TECTA: variants seen among roughly 807,000 people sequenced by gnomAD.
The protein encoded by TECTA is tectorin alpha, also known as alpha-tectorin.
Under a neutral mutation model 216.8 loss-of-function variants are expected in TECTA, and 128 were observed. The ratio of observed to expected loss-of-function variants is 0.59; its 90% CI spans 0.51 to 0.68. TECTA has a LOEUF of 0.68. TECTA is among the 30% of genes least tolerant of loss of function. TECTA has a pLI of 0.00. For synonymous variants in TECTA, 1,089 were observed against 1,117.1 expected, an observed-to-expected ratio of 0.97 and a Z score of 0.50; for missense variants, 2,551 against 2,786.2, an observed-to-expected ratio of 0.92 and a Z score of 1.90.
At chr11:121,110,510 T>G (rs1165540391) in intron 4 of TECTA, 1 of 152,220 alleles carries the variant, frequency 6.6e-6, no homozygotes, top group Non-Finnish European at 1.5e-5. Flanking sequence ...CAAGAAGCAC[T>G]TTATCGCTAA....
intron 13 of TECTA, among the ~76,000 whole-genome samples, chr11:121,155,277 G>A (rs1482228665): frequency 1.3e-5 from 2 of 152,170 alleles, no homozygotes; most frequent in Non-Finnish European, 2.9e-5. Flanking sequence ...TTGTGGATGA[G>A]TTATTTACCC....
intron 10 of TECTA, among the ~76,000 whole-genome samples, chr11:121,132,120 T>C (rs1367992305): frequency 6.6e-6 from 1 of 152,250 alleles, no homozygotes; most frequent in Admixed American, 6.5e-5. Context: ...CTGAATCATT[T>C]ATTACTGTTT....
Position 121,146,022 on chromosome 11 carries a change from G to T in TECTA, c.4011G>T (p.Ala1337=). ...TTGACTCTTGCATCGATGGGGGCGC[G>T]GTGCAGACCGCCTGCAGCTGGCTGC... is the stretch of plus-strand genomic sequence containing the variant. ...CLFDSCIDGG[A]VQTACSWLQN... Residue 1337 remains alanine, a synonymous_variant, in exon 12 of 24, where the codon GCG becomes GCT. Coordinates refer to ENST00000392793, the MANE Select transcript of TECTA (RefSeq NM_005422.4). 6.2e-7 allele frequency: 1 copy of T among 1,614,020 alleles called. No homozygotes were observed. Among genetic ancestry groups the T allele is most frequent in the Non-Finnish European group, 8.5e-7 (1 of 1,180,048 alleles).
intron 13 of TECTA, 49 bp from the exon 14 acceptor site, chr11:121,157,792 C>CA (rs1203706030): frequency 2.5e-6 from 4 of 1,611,950 alleles, no homozygotes; most frequent in Non-Finnish European, 3.4e-6. Context: ...TTCGGGTCCC[C>CA]AGCCCTGACC....
chr11:121,128,279 G>A lies in TECTA; in HGVS notation c.2302G>A (p.Gly768Arg), dbSNP rs202016102. ...KPDAGPAWLR[G>R]LRILVADQEV... ...CGATGCAGGACCTGCTTGGCTGCGG[G>A]GACTTCGGATCCTGGTGGCCGACCA... is the stretch of plus-strand genomic sequence containing the variant. The change falls in exon 9 of 24, where the codon GGA (glycine) becomes AGA (arginine). Residue 768 changes from glycine (G) to arginine (R), a missense_variant. Physicochemically the swap from Gly to Arg is moderately radical, Grantham distance 125 (BLOSUM62 -2). Transcript: ENST00000392793. 1.3e-6 allele frequency: 2 copies of A among 1,599,820 alleles called. No individual in the cohort carries two copies. Among genetic ancestry groups the A allele is most frequent in the East Asian group, 4.5e-5 (2 of 44,872 alleles).
At chr11:121,174,965 T>C (rs909867184) in intron 20 of TECTA, among the ~76,000 whole-genome samples, 1 of 152,248 alleles carries the variant, frequency 6.6e-6, no homozygotes. Context: ...CTAGATTTTC[T>C]AGTTTATTTG....
At position 121,113,393 on chromosome 11, in the gene TECTA, C is replaced by T. The variant is rs753866283; in HGVS notation, c.625-160C>T. On this transcript the variant is annotated intron_variant, in intron 5 of 23. Coordinates refer to ENST00000392793, the MANE Select transcript of TECTA (RefSeq NM_005422.4). The surrounding 1 kb of genome is among the most constrained non-coding windows in gnomAD (Gnocchi z 4.2). The stretch of plus-strand genomic sequence containing the variant: ...CACCCTGACTCGGCTATGAAATGAA[C>T]TAGGCAGTCCTTTCTCACCTAGAAT... Among the ~76,000 whole-genome samples the T allele has an allele frequency of 6.6e-6, 1 of 152,150 alleles. No homozygotes were observed. Among genetic ancestry groups the T allele is most frequent in the African/African-American group, 2.4e-5 (1 of 41,428 alleles).
chr11:121,140,655 AC>A (rs1946775671), intron 11 of TECTA, among the ~76,000 whole-genome samples: 1 of 151,826 alleles, frequency 6.6e-6, no homozygotes, highest in South Asian at 2.1e-4. Flanking sequence ...GGGAAGCACC[AC>A]CCCCTGCCTC....
chr11:121,116,787 A>T (rs1463396472), intron 6 of TECTA, among the ~76,000 whole-genome samples: 1 of 152,168 alleles, frequency 6.6e-6, no homozygotes, highest in East Asian at 1.9e-4. Context: ...CCTCTCACTT[A>T]TTGAAAGCCT....
intron 2 of TECTA, among the ~76,000 whole-genome samples, chr11:121,104,261 A>C (rs1387098533): frequency 6.6e-6 from 1 of 152,122 alleles, no homozygotes; most frequent in Non-Finnish European, 1.5e-5. Flanking sequence ...TTTTTTAATT[A>C]GTACTTCCAG....
Position 121,105,785 on chromosome 11 carries a change from C to G in TECTA, c.65-46C>G. On this transcript the variant is annotated intron_variant, in intron 2 of 23. Coordinates refer to ENST00000392793, the MANE Select transcript of TECTA (RefSeq NM_005422.4). This position sits in a 1 kb window ranked among gnomAD's most constrained non-coding sequence, Gnocchi z 5.3. ...GGTAGGAGAGATGTAGATTGCCAAA[C>G]GGCAGAGGGAGCTGCCATCTATCTA... is the stretch of plus-strand genomic sequence containing the variant. 1 of 1,612,584 alleles carries G rather than the reference C, an allele frequency of 6.2e-7. No homozygotes were observed. Among genetic ancestry groups the G allele is most frequent in the East Asian group, 2.2e-5 (1 of 44,854 alleles).
At chr11:121,145,375 C>T (rs752185419) in intron 11 of TECTA, among the ~76,000 whole-genome samples, 180 bp from the exon 12 acceptor site, 7 of 152,204 alleles carry the variant, frequency 4.6e-5, no homozygotes, top group Admixed American at 3.9e-4. Flanking sequence ...TAGTCATTTG[C>T]GTCTGTTCAA....
intron 13 of TECTA, among the ~76,000 whole-genome samples, chr11:121,156,637 C>A (rs1402311103): frequency 1.4e-5 from 2 of 145,242 alleles, no homozygotes; most frequent in Non-Finnish European, 3.0e-5. Context: ...AGTCACTGCA[C>A]CTGGCCTATT....
At chr11:121,170,526 C>A (rs1229245820) in intron 20 of TECTA, among the ~76,000 whole-genome samples, 1 of 151,970 alleles carries the variant, frequency 6.6e-6, no homozygotes, top group Non-Finnish European at 1.5e-5. Context: ...TGGCTGTACT[C>A]ATTTCTAGTC....
intron 6 of TECTA, among the ~76,000 whole-genome samples, chr11:121,116,650 G>A (rs995078932): frequency 5.9e-5 from 9 of 152,180 alleles, no homozygotes; most frequent in African/African-American, 1.4e-4. Context: ...ATGAGACTGG[G>A]ATTTGGCCTG....
chr11:121,137,820 TC>T lies in TECTA; in HGVS notation c.3345del (p.Phe1116LeufsTer48), dbSNP rs1946746717. 6.2e-7 allele frequency: 1 copy of T among 1,611,274 alleles called. No homozygotes were observed. The highest frequency in any genetic ancestry group is 1.3e-5 in the African/African-American group (1 of 74,854). The stretch of plus-strand genomic sequence containing the variant: ...GGCCACTACCTCACCTTTGATGGCT[TC>T]CCCTTTGACTTCCAGACCAGCTGCC... ...GYGHYLTFDG[F>X]PFDFQTSCPL... is the part of the protein sequence containing the mutation. On this transcript the variant is annotated frameshift_variant, in exon 11 of 24. Transcript: ENST00000392793. LOFTEE classifies it high-confidence loss of function.
At chr11:121,150,405 G>T (rs1946878157) in intron 12 of TECTA, among the ~76,000 whole-genome samples, 1 of 152,112 alleles carries the variant, frequency 6.6e-6, no homozygotes. Flanking sequence ...AATACTAGAA[G>T]AAAACAAAGG....
intron 21 of TECTA, among the ~76,000 whole-genome samples, chr11:121,188,626 T>C (rs187214039): frequency 6.6e-6 from 1 of 152,328 alleles, no homozygotes; most frequent in East Asian, 1.9e-4. Context: ...ACGGGCTGGG[T>C]CCTTAAGATT....
intron 14 of TECTA, 24 bp from the exon 15 acceptor site, chr11:121,160,111 T>C: frequency 1.2e-6 from 2 of 1,614,162 alleles, no homozygotes; most frequent in Non-Finnish European, 1.7e-6. Flanking sequence ...AGCGTAATTA[T>C]TTTCTTTTTT....
Sources: allele counts gnomAD v4.1 joint callset (sites outside exome capture counted in the v4.1 genomes callset), GRCh38; gene constraint gnomAD v4.1.1; non-coding constraint Gnocchi (gnomAD v3.1); transcripts MANE v1.5; gene names NCBI Gene and HGNC (gene_info 2026-07-23, HGNC 2026-07-21).